Variants in ECE1 observed in about 807,000 individuals in gnomAD.
ECE1 encodes the protein endothelin-converting enzyme 1.
In ECE1, 35 loss-of-function variants were observed where a neutral mutation model predicts 98.6. The ratio of observed to expected loss-of-function variants is 0.35; its 90% CI spans 0.27 to 0.47. The LOEUF (loss-of-function observed/expected upper bound fraction) is 0.47, where lower values mean the gene tolerates loss of function less well. ECE1 is among the 20% of genes least tolerant of loss of function. The pLI, the probability that ECE1 is intolerant of heterozygous loss-of-function variation, is 1.00. For missense variants in ECE1, 814 were observed against 1,025.3 expected, an observed-to-expected ratio of 0.79 and a Z score of 2.81; for synonymous variants, 394 against 407.1, an observed-to-expected ratio of 0.97 and a Z score of 0.39.
chr1:21,254,657 G>A (rs1027276268), intron 8 of ECE1, among the ~76,000 whole-genome samples: 2 of 152,020 alleles, frequency 1.3e-5, no homozygotes, highest in East Asian at 1.9e-4. Context: ...CTGAGAAATC[G>A]GCTGGAACAA....
intron 1 of ECE1, among the ~76,000 whole-genome samples, chr1:21,328,428 C>G (rs760088571): frequency 1.3e-5 from 2 of 152,174 alleles, no homozygotes; most frequent in Non-Finnish European, 2.9e-5. Context: ...ACTGATCATC[C>G]CACATTTACC....
intron 17 of ECE1, chr1:21,222,142 G>A (rs1573924219): frequency 2.3e-6 from 1 of 444,144 alleles, no homozygotes; most frequent in Non-Finnish European, 4.2e-6. Flanking sequence ...AACTTAACAT[G>A]GTATAAACAG....
intron 8 of ECE1, among the ~76,000 whole-genome samples, chr1:21,251,616 A>G (rs1169769038): frequency 1.3e-5 from 2 of 152,152 alleles, no homozygotes; most frequent in Non-Finnish European, 2.9e-5. Flanking sequence ...CTGGTAAGAG[A>G]TGTGCGCAGC....
intron 8 of ECE1, among the ~76,000 whole-genome samples, chr1:21,250,954 CGGGG>C (rs2098211994): frequency 6.7e-6 from 1 of 148,454 alleles, no homozygotes; most frequent in Non-Finnish European, 1.5e-5. Context: ...TTGCAGTGAG[CGGGG>C]ATCGCGCCAC....
chr1:21,270,303 A>C (rs1067215), intron 4 of ECE1, among the ~76,000 whole-genome samples: 10,669 of 152,292 alleles, frequency 0.07, 1,168 homozygotes, highest in African/African-American at 0.23. Context: ...TCTAAAGAGC[A>C]TGGTACAGTG....
At position 21,319,548 on chromosome 1, in the gene ECE1, A is replaced by G. The variant is rs935234624; in HGVS notation, c.3+25828T>C. Among the ~76,000 whole-genome samples, 4 of 152,096 alleles carry G rather than the reference A, an allele frequency of 2.6e-5. No homozygotes were observed. The highest frequency in any genetic ancestry group is 2.1e-4 in the South Asian group (1 of 4,804). ...GGCCAGACTCCCTCTGCTGCCCCCAATCTGCTTCTCAGACTTTCTGCTCCT... is the reference window on the plus strand; with the variant it reads ...GGCCAGACTCCCTCTGCTGCCCCCAGTCTGCTTCTCAGACTTTCTGCTCCT... On this transcript the variant is annotated intron_variant, in intron 1 of 18. Coordinates refer to the ECE1 transcript ENST00000415912. This position sits in a 1 kb window ranked among gnomAD's most constrained non-coding sequence, Gnocchi z 4.4.
In ECE1 at chr1:21,258,620, A is replaced by G; in HGVS notation, c.762+73T>C. 1 of 795,804 alleles carries G rather than the reference A, an allele frequency of 1.3e-6. No homozygotes were observed. Among genetic ancestry groups the G allele is most frequent in the Non-Finnish European group, 2.0e-6 (1 of 499,562 alleles). The allele number at this position is 795,804 out of a possible 1,614,324, so 49.3% of individuals were successfully genotyped here. A position where few individuals can be genotyped will look rare whatever the true frequency, so the allele number is the denominator to read the frequency against. ...CCAGGGCAAGCCCCTCTCCCACCCC[A>G]GGTCCTGCTAAACTCAAAACAGGAA... On this transcript the variant is annotated intron_variant, in intron 6 of 18. Coordinates refer to ENST00000374893, the MANE Select transcript of ECE1 (RefSeq NM_001397.3). This position sits in a 1 kb window ranked among gnomAD's most constrained non-coding sequence, Gnocchi z 4.2.
chr1:21,277,640 A>T (rs1368645812), intron 3 of ECE1, among the ~76,000 whole-genome samples: 1 of 152,226 alleles, frequency 6.6e-6, no homozygotes, highest in Non-Finnish European at 1.5e-5. Flanking sequence ...GGCTGTTCCC[A>T]GCCTGATCTT....
intron 10 of ECE1, 146 bp from the exon 11 acceptor site, chr1:21,238,390 C>A: frequency 1.4e-6 from 1 of 716,012 alleles, no homozygotes; most frequent in East Asian, 2.7e-5. Flanking sequence ...TTATTTTAGT[C>A]ACCGGACCAA....
At position 21,219,904 on chromosome 1, in the gene ECE1, C is replaced by G; in HGVS notation, c.*51G>C. 2 of 1,608,048 alleles carry G rather than the reference C, an allele frequency of 1.2e-6. No homozygotes were observed. Among genetic ancestry groups the G allele is most frequent in the East Asian group, 4.5e-5 (2 of 44,794 alleles). On this transcript the variant is annotated 3_prime_UTR_variant, in exon 19 of 19. Transcript: ENST00000374893. The surrounding 1 kb of genome is among the most constrained non-coding windows in gnomAD (Gnocchi z 4.5). ...AATGCCCTGGAGGCTGGATGGGGGT[C>G]TCGTCCTCAGCCCCTTCCCCTCCTC...
At chr1:21,227,331 A>T (rs1253897820) in intron 15 of ECE1, 105 bp from the exon 16 acceptor site, 1 of 1,148,136 alleles carries the variant, frequency 8.7e-7, no homozygotes, top group Non-Finnish European at 1.3e-6. Flanking sequence ...ATATAGCAAA[A>T]TTCCACAGGG....
chr1:21,234,540 G>A (rs947767543), intron 13 of ECE1, among the ~76,000 whole-genome samples: 1 of 151,860 alleles, frequency 6.6e-6, no homozygotes, highest in South Asian at 2.1e-4. Context: ...GTGCAGTGGT[G>A]CAATCACAGC....
rs1450417680 is a variant in ECE1 at position 21,235,450 on chromosome 1, G to T, written c.1566+400C>A. On this transcript the variant is annotated intron_variant, in intron 13 of 18. Coordinates refer to ENST00000374893, the MANE Select transcript of ECE1 (RefSeq NM_001397.3). The surrounding 1 kb of genome is among the most constrained non-coding windows in gnomAD (Gnocchi z 4.2). ...GGAAGCACGACCAGGGAGGGAGGAG[G>T]TGGTGTGGGGGTTTTCCCACTTCAT... is the stretch of plus-strand genomic sequence containing the variant. 1.3e-5 allele frequency among the ~76,000 whole-genome samples: 2 copies of T among 152,186 alleles called. No homozygotes were observed. The highest frequency in any genetic ancestry group is 4.8e-5 in the African/African-American group (2 of 41,444).
chr1:21,309,677 C>T (rs539943186), intron 1 of ECE1, among the ~76,000 whole-genome samples: 4 of 152,276 alleles, frequency 2.6e-5, no homozygotes, highest in African/African-American at 9.6e-5. Flanking sequence ...ACTCCTTCAA[C>T]ACATGCTTCA....
chr1:21,221,705 G>A lies in ECE1; in HGVS notation c.2136+42C>T, dbSNP rs200708645. 27 of 1,593,270 alleles carry A rather than the reference G, an allele frequency of 1.7e-5. No individual in the cohort carries two copies. The African/African-American group carries it at 2.8e-4, about 17-fold the overall frequency. ...TCTGGGCTCTTGAAACATCAAGATGGCAGAATGTACCATGTGTGGCATGTT... is the reference window on the plus strand; with the variant it reads ...TCTGGGCTCTTGAAACATCAAGATGACAGAATGTACCATGTGTGGCATGTT... On this transcript the variant is annotated intron_variant, in intron 18 of 18. Coordinates refer to ENST00000374893, the MANE Select transcript of ECE1 (RefSeq NM_001397.3).
intron 1 of ECE1, among the ~76,000 whole-genome samples, chr1:21,314,357 G>A (rs961368137): frequency 5.3e-5 from 8 of 152,320 alleles, no homozygotes; most frequent in East Asian, 3.9e-4. Flanking sequence ...TTCCTGGCTC[G>A]GTAGTGATAC....
At chr1:21,267,819 G>A (rs535071666) in intron 4 of ECE1, among the ~76,000 whole-genome samples, 3 of 152,168 alleles carry the variant, frequency 2.0e-5, no homozygotes, top group Non-Finnish European at 4.4e-5. Context: ...AACTCAATTA[G>A]ACAGCAGGTA....
intron 14 of ECE1, among the ~76,000 whole-genome samples, chr1:21,230,229 G>A (rs1048523269): frequency 1.3e-5 from 2 of 152,046 alleles, no homozygotes; most frequent in African/African-American, 4.8e-5. Flanking sequence ...CATGGATGTG[G>A]TTTCAGATTC....
chr1:21,339,417 C>A (rs1639360702), intron 1 of ECE1, among the ~76,000 whole-genome samples: 1 of 152,154 alleles, frequency 6.6e-6, no homozygotes, highest in Non-Finnish European at 1.5e-5. Flanking sequence ...CAGCTTGGGA[C>A]TGAAGCCATA....
Sources: gnomAD v4.1 joint callset for allele counts (sites outside exome capture counted in the v4.1 genomes callset) on GRCh38, gnomAD v4.1.1 for gene constraint, Gnocchi (gnomAD v3.1) non-coding constraint, MANE v1.5 for transcripts, NCBI Gene and HGNC (gene_info 2026-07-23, HGNC 2026-07-21) for gene names.